Variants in HYDIN observed in about 807,000 individuals in gnomAD.
The protein encoded by HYDIN is axonemal central pair apparatus protein HYDIN.
A neutral mutation model predicts 403.9 loss-of-function variants in HYDIN; 132 were observed. The ratio of observed to expected loss-of-function variants is 0.33; its 90% confidence interval spans 0.28 to 0.38. HYDIN has a LOEUF of 0.38. Ranked by LOEUF, HYDIN falls within the 10% of genes least tolerant of loss-of-function variation. The pLI, the probability that HYDIN is intolerant of heterozygous loss-of-function variation, is 1.00. For synonymous variants in HYDIN, 1,202 were observed against 1,891.7 expected (o/e 0.64, Z 9.46); for missense variants, 2,827 against 5,009.5 (o/e 0.56, Z 13.15).
At position 70,941,758 on chromosome 16, in the gene HYDIN, G is replaced by A. The variant is rs777159195; in HGVS notation, c.6731C>T (p.Ala2244Val). Reference sequence around the variant, plus strand: ...CAGCAGGCAGAGGAGGGCGGCTGCAGCATTCTGAGCAAAGAGAGTGTCGAG... The same window carrying A: ...CAGCAGGCAGAGGAGGGCGGCTGCAACATTCTGAGCAAAGAGAGTGTCGAG... ...DGLDTLFAQNAAAALLCLLKA... is the reference protein window; with the variant it reads ...DGLDTLFAQNVAAALLCLLKA... The change falls in exon 43 of 86, where the codon GCT becomes GTT. Residue 2244 changes from alanine (A) to valine (V), a missense_variant. By Grantham distance (64) the Ala-to-Val change is moderately conservative. Transcript: ENST00000393567. 8 of 1,591,838 alleles carry A rather than the reference G, an allele frequency of 5.0e-6. No individual in the cohort carries two copies. The highest frequency in any genetic ancestry group is 6.8e-6 in the Non-Finnish European group (8 of 1,170,416).
At chr16:71,151,074 C>T (rs1039326389) in intron 7 of HYDIN, among the ~76,000 whole-genome samples, 9 of 152,142 alleles carry the variant, frequency 5.9e-5, no homozygotes, top group Admixed American at 2.0e-4. Flanking sequence ...AACTAGAACT[C>T]TCATGCCTTG....
At position 70,805,542 on chromosome 16, in the gene HYDIN, G is replaced by A. The variant is rs1027947654; in HGVS notation, c.*2038C>T. On this transcript the variant is annotated 3_prime_UTR_variant, in exon 86 of 86. Transcript: ENST00000393567. ...ATCTCCTAGATCGGACTTCCTGAGGGTGGGGCTCAGCAATCTGTTTCAGTA... is the reference window on the plus strand; with the variant it reads ...ATCTCCTAGATCGGACTTCCTGAGGATGGGGCTCAGCAATCTGTTTCAGTA... 6.6e-6 allele frequency among the ~76,000 whole-genome samples: 1 copy of A among 152,204 alleles called. No individual in the cohort carries two copies. Among genetic ancestry groups the A allele is most frequent in the African/African-American group, 2.4e-5 (1 of 41,446 alleles).
intron 44 of HYDIN, among the ~76,000 whole-genome samples, chr16:70,937,412 C>A (rs1431002607): frequency 6.6e-6 from 1 of 151,078 alleles, no homozygotes; most frequent in Non-Finnish European, 1.5e-5. Flanking sequence ...CACTGGGAGG[C>A]TGAGGCAGGC....
intron 1 of HYDIN, among the ~76,000 whole-genome samples, chr16:71,210,767 A>G (rs1052864092): frequency 1.3e-5 from 2 of 152,216 alleles, no homozygotes; most frequent in Non-Finnish European, 2.9e-5. Context: ...AGATGAAATG[A>G]AAAATCTTTA....
chr16:70,941,508 G>A (rs141939500), intron 43 of HYDIN, 128 bp downstream of exon 43: 33 of 626,516 alleles, frequency 5.3e-5, no homozygotes, highest in East Asian at 1.3e-4. Context: ...GGCCACTCGC[G>A]TCCCAGTTCC....
intron 47 of HYDIN, among the ~76,000 whole-genome samples, chr16:70,916,961 T>G (rs1183610934): frequency 6.6e-6 from 1 of 152,100 alleles, no homozygotes; most frequent in Non-Finnish European, 1.5e-5. Context: ...TCTCACTCTA[T>G]TGCCCAGGCT....
Position 70,806,051 on chromosome 16 carries a change from T to C in HYDIN, c.*1529A>G, listed in dbSNP as rs2035090813. Among the ~76,000 whole-genome samples, 1 of 152,204 alleles carries C rather than the reference T, an allele frequency of 6.6e-6. No individual in the cohort carries two copies. On this transcript the variant is annotated 3_prime_UTR_variant, in exon 86 of 86. Coordinates refer to ENST00000393567, the MANE Select transcript of HYDIN (RefSeq NM_001270974.2). ...GATGACTTGGGGTTAGCAGGTCAAC[T>C]GTCATGGGATCGCAATGCTTGTGTT...
At chr16:71,150,613 C>T (rs2085500501) in intron 7 of HYDIN, among the ~76,000 whole-genome samples, 1 of 149,706 alleles carries the variant, frequency 6.7e-6, no homozygotes, top group Non-Finnish European at 1.5e-5. Context: ...CAGAAGTAAA[C>T]ATGGGAGATT....
rs1440863518 is a variant in HYDIN at position 71,165,381 on chromosome 16, C to T, written c.517-2651G>A. On this transcript the variant is annotated intron_variant, in intron 5 of 85. Transcript: ENST00000393567. ...TTGGCACGGCGATCCACTGTCTCCCCGAGGCCTCCCCTGACTGCCCTATTT... is the reference window on the plus strand; with the variant it reads ...TTGGCACGGCGATCCACTGTCTCCCTGAGGCCTCCCCTGACTGCCCTATTT... 3.3e-5 allele frequency among the ~76,000 whole-genome samples: 5 copies of T among 151,880 alleles called. No homozygotes were observed. In the East Asian group the frequency reaches 5.8e-4, roughly 18 times the overall value.
chr16:71,043,166 T>C (rs906196691), intron 18 of HYDIN, among the ~76,000 whole-genome samples: 4 of 151,812 alleles, frequency 2.6e-5, no homozygotes, highest in Non-Finnish European at 5.9e-5. Flanking sequence ...CCACTCTGGT[T>C]CATAATTTTT....
intron 5 of HYDIN, among the ~76,000 whole-genome samples, chr16:71,164,963 A>C (rs1384980113): frequency 1.3e-5 from 2 of 152,160 alleles, no homozygotes; most frequent in African/African-American, 2.4e-5. Context: ...AATCCATAGG[A>C]TCTACCTTCA....
Position 70,809,866 on chromosome 16 carries a change from A to G in HYDIN, c.14800T>C (p.Phe4934Leu), listed in dbSNP as rs776551217. ...TGGCTGCTGCCAAGGACAGTCTGGA[A>G]GTGAACAGGCTTTTCCGGAAGTGCT... ...TPALPEKPVH[F>L]QTVLGSSQII... The change falls in exon 85 of 86, where the codon TTC becomes CTC. Residue 4934 changes from phenylalanine to leucine, a missense_variant. By Grantham distance (22) the Phe-to-Leu change is conservative. Coordinates refer to ENST00000393567, the MANE Select transcript of HYDIN (RefSeq NM_001270974.2). 2.5e-6 allele frequency: 4 copies of G among 1,614,246 alleles called. No homozygotes were observed. The highest frequency in any genetic ancestry group is 2.2e-5 in the East Asian group (1 of 44,886).
chr16:71,024,167 G>A lies in HYDIN; in HGVS notation c.3186+1216C>T, dbSNP rs185079606. On this transcript the variant is annotated intron_variant, in intron 21 of 85. Transcript: ENST00000393567. ...TGACCATGTCACTCCCTTCCTGGAA[G>A]CCCTCCAATGGCCACCCAGAACAAA... 9.2e-5 allele frequency among the ~76,000 whole-genome samples: 14 copies of A among 152,342 alleles called. No individual in the cohort carries two copies. In the East Asian group the frequency reaches 2.7e-3, roughly 29 times the overall value.
At chr16:71,115,082 G>A (rs1162895762) in intron 10 of HYDIN, among the ~76,000 whole-genome samples, 5 of 150,878 alleles carry the variant, frequency 3.3e-5, no homozygotes, top group African/African-American at 1.2e-4. Context: ...CCCTGATATG[G>A]TTAGGTTTTG....
chr16:71,196,176 A>T (rs235989), intron 1 of HYDIN, among the ~76,000 whole-genome samples: 105,189 of 152,158 alleles, frequency 0.69, 38,157 homozygotes, highest in African/African-American at 0.91. Context: ...GTAGATGTGA[A>T]AGGCAATTTT....
rs1201340591 is a variant in HYDIN at position 71,017,470 on chromosome 16, G to GC, written c.3644+658dup. Among the ~76,000 whole-genome samples the GC allele has an allele frequency of 1.1e-3, 163 of 152,150 alleles. 1 individual carries two copies. The highest frequency in any genetic ancestry group is 3.8e-3 in the African/African-American group (156 of 41,470). ...CTGCCATGATTGTAAATTTCCTGAGGCCTCCCCAGCTATGTAGAACTGTGA... is the reference window on the plus strand; with the variant it reads ...CTGCCATGATTGTAAATTTCCTGAGGCCCTCCCCAGCTATGTAGAACTGTGA... On this transcript the variant is annotated intron_variant, in intron 23 of 85. Transcript: ENST00000393567.
chr16:71,213,500 A>C (rs1204502847), intron 1 of HYDIN, among the ~76,000 whole-genome samples: 1 of 152,122 alleles, frequency 6.6e-6, no homozygotes, highest in Non-Finnish European at 1.5e-5. Flanking sequence ...TTGGATTCTT[A>C]AGGAAGTACT....
At chr16:71,148,373 T>C (rs1246034162) in intron 7 of HYDIN, among the ~76,000 whole-genome samples, 1 of 152,194 alleles carries the variant, frequency 6.6e-6, no homozygotes, top group Admixed American at 6.5e-5. Context: ...AGCATACTAA[T>C]GTCTAGCCTG....
At chr16:71,220,397 T>C (rs1400124920) in intron 1 of HYDIN, among the ~76,000 whole-genome samples, 1 of 152,220 alleles carries the variant, frequency 6.6e-6, no homozygotes, top group African/African-American at 2.4e-5. Context: ...TAATTTGGCC[T>C]TGTATACAAG....
Sources: gnomAD v4.1 joint callset for allele counts (sites outside exome capture counted in the v4.1 genomes callset) on GRCh38, gnomAD v4.1.1 for gene constraint, MANE v1.5 for transcripts, NCBI Gene and HGNC (gene_info 2026-07-23, HGNC 2026-07-21) for gene names.